Variants in ZZZ3 observed in about 807,000 individuals in gnomAD.
ZZZ3 encodes ZZ-type zinc finger-containing protein 3.
In ZZZ3, 22 loss-of-function variants were observed where a neutral mutation model predicts 95.2. The observed-to-expected ratio is 0.23, with a 90% CI of 0.17 to 0.33. ZZZ3 has a LOEUF of 0.33. ZZZ3 is among the 10% of genes least tolerant of loss of function. The pLI is 1.00. For synonymous variants in ZZZ3, 335 were observed against 358.9 expected, an observed-to-expected ratio of 0.93 and a Z score of 0.75; for missense variants, 885 against 1,066.5, an observed-to-expected ratio of 0.83 and a Z score of 2.37.
chr1:77,631,930 C>T lies in ZZZ3; in HGVS notation c.1425G>A (p.Gln475=), dbSNP rs767511982. The T allele has an allele frequency of 6.2e-7, 1 of 1,614,068 alleles. No homozygotes were observed. Residue 475 remains glutamine, a synonymous_variant, in exon 5 of 15, where the codon CAG becomes CAA. Transcript: ENST00000370801. ...HLPSAKESAS[Q]HITEEEDDDP... ...CATCATCTTCCTCTTCTGTAATGTG[C>T]TGACTGGCACTCTCTTTGGCAGATG...
intron 5 of ZZZ3, among the ~76,000 whole-genome samples, chr1:77,604,740 T>C (rs1162284692): frequency 6.6e-6 from 1 of 152,226 alleles, no homozygotes; most frequent in Admixed American, 6.5e-5. Flanking sequence ...ATATTCTTTT[T>C]CCTTTTTTTC....
At chr1:77,642,161 A>AATATGTTTT (rs1239134292) in intron 1 of ZZZ3, among the ~76,000 whole-genome samples, 4 of 152,188 alleles carry the variant, frequency 2.6e-5, no homozygotes, top group African/African-American at 9.6e-5. Flanking sequence ...ATTTAAAATA[A>AATATGTTTT]ACTGACATGT....
At chr1:77,593,029 G>C (rs542103195) in intron 5 of ZZZ3, among the ~76,000 whole-genome samples, 4 of 152,212 alleles carry the variant, frequency 2.6e-5, no homozygotes, top group Admixed American at 2.6e-4. Context: ...AGGCTGAGCA[G>C]TCCTTTTGAC....
intron 5 of ZZZ3, among the ~76,000 whole-genome samples, chr1:77,629,492 A>G (rs1449208947): frequency 1.3e-5 from 2 of 152,014 alleles, no homozygotes; most frequent in African/African-American, 4.8e-5. Context: ...GATGGCGTAC[A>G]CCTGTAGTCC....
At chr1:77,595,274 C>G (rs1287936095) in intron 5 of ZZZ3, among the ~76,000 whole-genome samples, 1 of 151,932 alleles carries the variant, frequency 6.6e-6, no homozygotes, top group Non-Finnish European at 1.5e-5. Flanking sequence ...GATTAATGTA[C>G]TCTAAGAGAA....
At chr1:77,667,586 TTC>T (rs1299400867) in intron 1 of ZZZ3, among the ~76,000 whole-genome samples, 1 of 152,262 alleles carries the variant, frequency 6.6e-6, no homozygotes, top group South Asian at 2.1e-4. Flanking sequence ...CCTAATTATC[TTC>T]TTTTTTTCCT....
chr1:77,633,341 C>T lies in ZZZ3; in HGVS notation c.14G>A (p.Arg5Gln), dbSNP rs761697730. The change falls in exon 5 of 15, where the codon CGA (arginine) becomes CAA (glutamine). Residue 5 changes from arginine to glutamine, a missense_variant. Arg to Gln is a conservative substitution (Grantham distance 43). Coordinates refer to ENST00000370801, the MANE Select transcript of ZZZ3 (RefSeq NM_015534.6). ...TGTTGATCTTGTAACACGAGTAGAT[C>T]GGGAAGCAGCCATACTATGGCAAGT... MAAS[R>Q]STRVTRSTVG... The T allele has an allele frequency of 9.4e-6, 15 of 1,604,222 alleles. No individual in the cohort carries two copies. The highest frequency in any genetic ancestry group is 4.5e-5 in the East Asian group (2 of 44,776).
At position 77,580,978 on chromosome 1, in the gene ZZZ3, G is replaced by T; in HGVS notation, c.1980+20C>A. On this transcript the variant is annotated intron_variant, in intron 9 of 14. Coordinates refer to ENST00000370801, the MANE Select transcript of ZZZ3 (RefSeq NM_015534.6). The stretch of plus-strand genomic sequence containing the variant: ...TTTACTTGTTTTTTTAAGCCTACAC[G>T]ATTTTGAAATATTTATTACCTGTTC... 1 of 1,607,154 alleles carries T rather than the reference G, an allele frequency of 6.2e-7. No individual in the cohort carries two copies. The highest frequency in any genetic ancestry group is 1.1e-5 in the South Asian group (1 of 90,920).
At chr1:77,657,315 CG>C (rs1670359183) in intron 1 of ZZZ3, among the ~76,000 whole-genome samples, 2 of 152,130 alleles carry the variant, frequency 1.3e-5, no homozygotes, top group Non-Finnish European at 2.9e-5. Context: ...TTCATAAACA[CG>C]GAACTCACAG....
chr1:77,620,038 G>A (rs1666693592), intron 5 of ZZZ3, among the ~76,000 whole-genome samples: 2 of 151,876 alleles, frequency 1.3e-5, no homozygotes, highest in South Asian at 4.2e-4. Context: ...CACATTTACA[G>A]GCAATTATAA....
intron 1 of ZZZ3, among the ~76,000 whole-genome samples, chr1:77,663,819 G>A (rs1671026746): frequency 6.6e-6 from 1 of 151,608 alleles, no homozygotes; most frequent in Non-Finnish European, 1.5e-5. Context: ...CGCGATCTTG[G>A]CTCACCGCAA....
intron 1 of ZZZ3, among the ~76,000 whole-genome samples, chr1:77,651,012 T>C (rs1194578048): frequency 5.3e-5 from 8 of 152,172 alleles, no homozygotes; most frequent in African/African-American, 1.7e-4. Flanking sequence ...TACAAAAGAA[T>C]GACATTGAAC....
At chr1:77,655,663 T>C (rs1261552922) in intron 1 of ZZZ3, among the ~76,000 whole-genome samples, 1 of 152,192 alleles carries the variant, frequency 6.6e-6, no homozygotes, top group African/African-American at 2.4e-5. Context: ...AAAACTCTCC[T>C]TCAGGTAGCA....
intron 5 of ZZZ3, among the ~76,000 whole-genome samples, chr1:77,597,903 G>T (rs976106918): frequency 6.6e-6 from 1 of 152,106 alleles, no homozygotes; most frequent in African/African-American, 2.4e-5. Context: ...TTCATTAATT[G>T]TAACAAATGA....
intron 5 of ZZZ3, 44 bp from the exon 6 acceptor site, chr1:77,584,699 C>A: frequency 6.7e-7 from 1 of 1,492,932 alleles, no homozygotes. Context: ...TTTCTAGTAA[C>A]AACAATAAAT....
chr1:77,609,751 C>T (rs1053850002), intron 5 of ZZZ3, among the ~76,000 whole-genome samples: 1 of 151,738 alleles, frequency 6.6e-6, no homozygotes, highest in African/African-American at 2.4e-5. Context: ...GAAACAATAC[C>T]AACACATGCA....
intron 8 of ZZZ3, 116 bp downstream of exon 8, chr1:77,581,660 T>A (rs778751290): frequency 7.6e-5 from 59 of 775,116 alleles, no homozygotes; most frequent in Non-Finnish European, 1.8e-5. Flanking sequence ...AAAGTTCTTA[T>A]CTCCTTTATC....
chr1:77,572,145 A>T (rs2100492324), intron 12 of ZZZ3, among the ~76,000 whole-genome samples: 1 of 152,364 alleles, frequency 6.6e-6, no homozygotes, highest in East Asian at 1.9e-4. Context: ...CAGATGCTTC[A>T]TAAATATACA....
intron 1 of ZZZ3, among the ~76,000 whole-genome samples, chr1:77,642,579 A>C (rs566218091): frequency 5.9e-5 from 4 of 67,712 alleles, no homozygotes; most frequent in African/African-American, 2.6e-4. Flanking sequence ...CCTCTTCTCT[A>C]AACAAAACAA....
Sources: allele counts gnomAD v4.1 joint callset (sites outside exome capture counted in the v4.1 genomes callset), GRCh38; gene constraint gnomAD v4.1.1; transcripts MANE v1.5; gene names NCBI Gene and HGNC (gene_info 2026-07-23, HGNC 2026-07-21).